Variants in CHRNA4 observed in about 807,000 individuals in gnomAD.
CHRNA4 encodes neuronal acetylcholine receptor subunit alpha-4.
Under a neutral mutation model 48.9 loss-of-function variants are expected in CHRNA4, and 28 were observed. That is an observed-to-expected ratio of 0.57 (90% confidence interval 0.42 to 0.79). The LOEUF is 0.79. Among genes scored for constraint, CHRNA4 ranks in the 30% least tolerant of loss-of-function variants. The pLI, the probability that CHRNA4 is intolerant of heterozygous loss-of-function variation, is 0.00. For missense variants in CHRNA4, 859 were observed against 898.4 expected (o/e 0.96, Z 0.56); for synonymous variants, 425 against 402.3 (o/e 1.06, Z -0.68).
At position 63,346,596 on chromosome 20, in the gene CHRNA4, G is replaced by T. The variant is rs1293081092; in HGVS notation, c.*142C>A. Reference sequence around the variant, plus strand: ...TGTCCCCGTCCAAGGCCGTCTTACAGCAGACACAGAACAGGAAGGAAAATT... The same window carrying T: ...TGTCCCCGTCCAAGGCCGTCTTACATCAGACACAGAACAGGAAGGAAAATT... On this transcript the variant is annotated 3_prime_UTR_variant, in exon 6 of 6. Transcript: ENST00000370263. 8.2e-7 allele frequency: 1 copy of T among 1,212,780 alleles called. No homozygotes were observed. The highest frequency in any genetic ancestry group is 1.3e-5 in the South Asian group (1 of 77,038). 75.1% of individuals were successfully genotyped at this position (1,212,780 alleles called of 1,614,324 possible). A position where few individuals can be genotyped will look rare whatever the true frequency, so the allele number is the denominator to read the frequency against.
Position 63,343,862 on chromosome 20 carries a change from G to T in CHRNA4, c.*2876C>A, listed in dbSNP as rs1473618082. 2.2e-6 allele frequency: 1 copy of T among 454,050 alleles called. No individual in the cohort carries two copies. The highest frequency in any genetic ancestry group is 2.0e-5 in the African/African-American group (1 of 50,016). The allele number at this position is 454,050 out of a possible 1,614,324, so 28.1% of individuals were successfully genotyped here. A position where few individuals can be genotyped will look rare whatever the true frequency, so the allele number is the denominator to read the frequency against. ...GTGTGAGACTTTGATAGGGGGTCGGGGGTCACAGCCCTGGCAAGGTGGGTT... is the reference window on the plus strand; with the variant it reads ...GTGTGAGACTTTGATAGGGGGTCGGTGGTCACAGCCCTGGCAAGGTGGGTT... On this transcript the variant is annotated 3_prime_UTR_variant, in exon 6 of 6. Transcript: ENST00000370263.
At position 63,350,185 on chromosome 20, in the gene CHRNA4, C is replaced by T; in HGVS notation, c.1226G>A (p.Cys409Tyr). The change falls in exon 5 of 6, where the codon TGT (cysteine) becomes TAT (tyrosine). Residue 409 changes from cysteine (C) to tyrosine (Y), a missense_variant. Transcript: ENST00000370263. The part of the protein sequence containing the change: ...QSLHPPSPSF[C>Y]VPLDVPAEPG... The stretch of plus-strand genomic sequence containing the variant: ...CTCAGCCGGCACATCCAGGGGGACA[C>T]AGAAGGACGGTGAGGGCGGGTGCAG... 1.3e-6 allele frequency: 2 copies of T among 1,594,760 alleles called. No homozygotes were observed. Among genetic ancestry groups the T allele is most frequent in the Middle Eastern group, 1.7e-4 (1 of 6,030 alleles).
rs201335931 is a variant in CHRNA4 at position 63,350,604 on chromosome 20, G to T, written c.807C>A (p.Ser269=). Residue 269 remains serine, a synonymous_variant, in exon 5 of 6, where the codon TCC becomes TCA. Coordinates refer to ENST00000370263, the MANE Select transcript of CHRNA4 (RefSeq NM_000744.7). ...ACAGCGTGATCTTCTCGCCACACTC[G>T]GAGGGCAGGTAGAAGACCAGCACGG... The part of the protein sequence containing the change: ...CLTVLVFYLP[S]ECGEKITLCI... 8 of 1,614,044 alleles carry T rather than the reference G, an allele frequency of 5.0e-6. No homozygotes were observed. The South Asian group carries it at 8.8e-5, about 18-fold the overall frequency.
At position 63,349,931 on chromosome 20, in the gene CHRNA4, G is replaced by A; in HGVS notation, c.1480C>T (p.Pro494Ser). The part of the protein sequence containing the change: ...CRSRSIQYCV[P>S]RDDAAPEADG... ...GCCTCGGGGGCGGCATCGTCTCGGG[G>A]AACACAGTACTGGATGCTCCGAGAC... The change falls in exon 5 of 6, where the codon CCC becomes TCC. Residue 494 changes from proline (P) to serine (S), a missense_variant. Pro to Ser is a moderately conservative substitution (Grantham distance 74). Coordinates refer to ENST00000370263, the MANE Select transcript of CHRNA4 (RefSeq NM_000744.7). 1 of 1,591,010 alleles carries A rather than the reference G, an allele frequency of 6.3e-7. No homozygotes were observed. Among genetic ancestry groups the A allele is most frequent in the South Asian group, 1.1e-5 (1 of 88,638 alleles).
chr20:63,360,382 C>A (rs1388507918), intron 1 of CHRNA4, among the ~76,000 whole-genome samples: 145 of 152,336 alleles, frequency 9.5e-4, no homozygotes, highest in Non-Finnish European at 2.8e-4. Flanking sequence ...TGCTGTTGGG[C>A]AGACCCAGAA....
chr20:63,357,583 G>T (rs981245835), intron 2 of CHRNA4, among the ~76,000 whole-genome samples: 2 of 152,222 alleles, frequency 1.3e-5, no homozygotes, highest in Non-Finnish European at 2.9e-5. Context: ...TCCCCTCCAG[G>T]ACAGACCCTG....
At position 63,355,989 on chromosome 20, in the gene CHRNA4, G is replaced by A. The variant is rs1334588457; in HGVS notation, c.369C>T (p.Ile123=). The change falls in exon 4 of 6, where the codon ATC becomes ATT. Residue 123 remains isoleucine, a synonymous_variant. Coordinates refer to ENST00000370263, the MANE Select transcript of CHRNA4 (RefSeq NM_000744.7). ...IPSELIWRPD[I]VLYNNADGDF... is the part of the protein sequence containing the mutation. ...AGAGGACTCACTTGTTGTAGAGGAC[G>A]ATGTCCGGCCGCCAGATGAGCTCGG... 6.8e-6 allele frequency: 11 copies of A among 1,611,904 alleles called. No homozygotes were observed. The highest frequency in any genetic ancestry group is 1.7e-4 in the Middle Eastern group (1 of 6,060).
chr20:63,351,143 A>ACCCACGTCCACGTCCATGCCCCCG (rs2068595225), intron 4 of CHRNA4, 116 bp from the exon 5 acceptor site: 1 of 810,610 alleles, frequency 1.2e-6, no homozygotes, highest in African/African-American at 2.4e-5. Context: ...CCACGCCCAC[A>ACCCACGTCCACGTCCATGCCCCCG]TCCACGTCCA....
intron 1 of CHRNA4, among the ~76,000 whole-genome samples, chr20:63,360,677 C>T (rs1397538292): frequency 6.6e-6 from 1 of 152,198 alleles, no homozygotes; most frequent in Admixed American, 6.5e-5. Context: ...AGGTGGGTGG[C>T]GGCCGCCAAG....
chr20:63,359,611 C>G lies in CHRNA4; in HGVS notation c.165G>C (p.Val55=). 1 of 1,612,724 alleles carries G rather than the reference C, an allele frequency of 6.2e-7. No homozygotes were observed. The highest frequency in any genetic ancestry group is 2.2e-5 in the East Asian group (1 of 44,882). Residue 55 remains valine (V), a synonymous_variant, in exon 2 of 6, where the codon GTG becomes GTC. Coordinates refer to ENST00000370263, the MANE Select transcript of CHRNA4 (RefSeq NM_000744.7). ...FSGYNKWSRP[V]ANISDVVLVR... ...CGAGGACCACGTCCGAGATGTTGGC[C>G]ACGGGTCGGGACCACTTGTTGTAAC...
Position 63,350,679 on chromosome 20 carries a change from G to T in CHRNA4, c.732C>A (p.Leu244=), listed in dbSNP as rs752054605. 3.1e-6 allele frequency: 5 copies of T among 1,614,024 alleles called. No homozygotes were observed. The highest frequency in any genetic ancestry group is 4.2e-6 in the Non-Finnish European group (5 of 1,180,022). The change falls in exon 5 of 6, where the codon CTC becomes CTA. Residue 244 remains leucine, a synonymous_variant. Transcript: ENST00000370263. The part of the protein sequence containing the change: ...TYAFVIRRLP[L]FYTINLIIPC... ...GGATGATGAGGTTGATGGTGTAGAA[G>T]AGCGGCAGCCGCCGGATGACGAAGG...
chr20:63,354,839 G>A (rs573779402), intron 4 of CHRNA4: 1 of 158,562 alleles, frequency 6.3e-6, no homozygotes, highest in Non-Finnish European at 1.4e-5. Flanking sequence ...TGGCTTGCAG[G>A]GGGCAGGGAG....
intron 2 of CHRNA4, among the ~76,000 whole-genome samples, chr20:63,357,299 TCCC>T (rs2068736708): frequency 6.2e-5 from 1 of 16,078 alleles, no homozygotes; most frequent in Non-Finnish European, 3.0e-4. Context: ...CAGGACCTCA[TCCC>T]CTCAGGACCT....
At chr20:63,359,435 C>A (rs1392540980) in intron 2 of CHRNA4, 113 bp downstream of exon 2, 2 of 1,373,364 alleles carry the variant, frequency 1.5e-6, no homozygotes, top group African/African-American at 1.4e-5. Flanking sequence ...CCGGGCCGGA[C>A]ACTCACAGCC....
intron 4 of CHRNA4, among the ~76,000 whole-genome samples, chr20:63,354,038 A>G (rs2068674882): frequency 1.7e-5 from 2 of 114,944 alleles, no homozygotes; most frequent in Admixed American, 8.7e-5. Context: ...TTGTAGTCCT[A>G]GGGGGCTGTG....
chr20:63,349,411 G>A (rs2068545768), intron 5 of CHRNA4: 3 of 595,726 alleles, frequency 5.0e-6, no homozygotes, highest in South Asian at 4.0e-5. Flanking sequence ...CCCAAAGCCA[G>A]AGACGGCACC....
At chr20:63,359,903 G>GTGTGTGTGCGCCGGGCGTGCGC (rs1555840798) in intron 1 of CHRNA4, 1 of 402,830 alleles carries the variant, frequency 2.5e-6, no homozygotes, top group African/African-American at 3.0e-5. Context: ...TGTGCTGTGT[G>GTGTGTGTGCGCCGGGCGTGCGC]TGTGTGTGTG....
chr20:63,349,386 C>T (rs150607204), intron 5 of CHRNA4: 6 of 578,042 alleles, frequency 1.0e-5, no homozygotes, highest in African/African-American at 5.6e-5. Context: ...TGCCGTCCGC[C>T]GAGGCCCACT....
intron 2 of CHRNA4, among the ~76,000 whole-genome samples, chr20:63,358,160 A>G (rs2068747052): frequency 6.6e-6 from 1 of 152,132 alleles, no homozygotes; most frequent in African/African-American, 2.4e-5. Flanking sequence ...GGGCAGCTCC[A>G]GGACACTGAG....
Sources: allele counts gnomAD v4.1 joint callset (sites outside exome capture counted in the v4.1 genomes callset), GRCh38; gene constraint gnomAD v4.1.1; transcripts MANE v1.5; gene names NCBI Gene and HGNC (gene_info 2026-07-23, HGNC 2026-07-21).